NUP210L: variants seen among roughly 807,000 people sequenced by gnomAD.
The protein encoded by NUP210L is nucleoporin 210 like.
A neutral mutation model predicts 208.5 loss-of-function variants in NUP210L; 74 were observed. That is an observed-to-expected ratio of 0.35 (90% CI 0.29 to 0.43). NUP210L has a LOEUF of 0.43. Ranked by LOEUF, NUP210L falls within the 20% of genes least tolerant of loss-of-function variation. The probability of loss-of-function intolerance (pLI) is 1.00; values close to 1 mark genes in which losing one functional copy is unlikely to be tolerated. For missense variants in NUP210L, 1,843 were observed against 2,289.4 expected (o/e 0.81, Z 3.98); for synonymous variants, 780 against 816.9 (o/e 0.95, Z 0.77).
chr1:154,012,430 G>C (rs1650979899), intron 33 of NUP210L, 60 bp from the exon 34 acceptor site: 1 of 1,535,544 alleles, frequency 6.5e-7, no homozygotes, highest in African/African-American at 1.4e-5. Flanking sequence ...ACTCCTTCCA[G>C]ATCCACCCCT....
chr1:154,106,264 A>AAAAT (rs562234400), intron 12 of NUP210L, among the ~76,000 whole-genome samples: 60 of 152,060 alleles, frequency 3.9e-4, no homozygotes, highest in Non-Finnish European at 4.4e-4. Context: ...CCATTCCAGA[A>AAAAT]AAATAAATAA....
intron 17 of NUP210L, among the ~76,000 whole-genome samples, chr1:154,064,403 A>G (rs1654291579): frequency 6.6e-6 from 1 of 152,032 alleles, no homozygotes; most frequent in Admixed American, 6.6e-5. Context: ...TTAGAACCTC[A>G]TCTATGCCTC....
chr1:154,063,609 T>C (rs546319602), intron 17 of NUP210L, among the ~76,000 whole-genome samples: 9 of 152,300 alleles, frequency 5.9e-5, no homozygotes, highest in African/African-American at 1.9e-4. Flanking sequence ...ACCTTTGTAA[T>C]CTTAGGTCCT....
In NUP210L at chr1:154,015,719, C is replaced by CAA. The variant is rs1444341035; in HGVS notation, c.4653+3212_4653+3213dup. ...TGGGCAACAGAGTGAGACTCTGTCTCAAAACACACACACACACACACACAC... is the reference window on the plus strand; with the variant it reads ...TGGGCAACAGAGTGAGACTCTGTCTCAAAAAACACACACACACACACACACAC... On this transcript the variant is annotated intron_variant, in intron 33 of 39. Coordinates refer to ENST00000368559, the Ensembl canonical transcript of NUP210L. Among the ~76,000 whole-genome samples the CAA allele has an allele frequency of 8.0e-4, 105 of 131,808 alleles. 1 individual carries two copies. Among genetic ancestry groups the CAA allele is most frequent in the African/African-American group, 2.5e-3 (98 of 38,884 alleles). The allele number at this position is 131,808 out of a possible 152,430, so 86.5% of individuals were successfully genotyped here.
intron 10 of NUP210L, among the ~76,000 whole-genome samples, chr1:154,125,619 CTGAAAGGAAGGAAGGAAGGAAGGA>C (rs1657857958): frequency 2.9e-5 from 2 of 68,274 alleles, no homozygotes; most frequent in Non-Finnish European, 5.7e-5. Context: ...GAGGCCCTCT[CTGAAAGGAAGGAAGGAAGGAAGGA>C]AGGAAGGAAG....
chr1:154,130,813 G>A (rs1658210155), intron 7 of NUP210L, among the ~76,000 whole-genome samples: 1 of 151,688 alleles, frequency 6.6e-6, no homozygotes, highest in Non-Finnish European at 1.5e-5. Context: ...TTAAACTCCT[G>A]GACTCAAGCA....
chr1:154,105,041 G>A (rs961965245), intron 12 of NUP210L, among the ~76,000 whole-genome samples: 2 of 152,166 alleles, frequency 1.3e-5, no homozygotes, highest in African/African-American at 4.8e-5. Context: ...TAATAGCTCA[G>A]CCACAATAGA....
At chr1:154,043,974 A>G (rs1653035208) in intron 27 of NUP210L, among the ~76,000 whole-genome samples, 3 of 152,162 alleles carry the variant, frequency 2.0e-5, no homozygotes, top group African/African-American at 7.2e-5. Flanking sequence ...AAAAGAAAAA[A>G]TCTGTGTGGC....
intron 17 of NUP210L, among the ~76,000 whole-genome samples, chr1:154,066,483 C>T (rs934262386): frequency 3.9e-5 from 6 of 152,014 alleles, no homozygotes; most frequent in South Asian, 2.1e-4. Flanking sequence ...CGGTGGCGGG[C>T]GCCTGTAGTC....
At chr1:154,023,031 T>G in intron 31 of NUP210L, 91 bp downstream of exon 31, 1 of 1,293,238 alleles carries the variant, frequency 7.7e-7, no homozygotes, top group Non-Finnish European at 1.1e-6. Flanking sequence ...ATTCAGAATG[T>G]GAGAGGAATT....
intron 2 of NUP210L, among the ~76,000 whole-genome samples, chr1:154,144,454 C>T (rs1659021860): frequency 6.6e-6 from 1 of 152,066 alleles, no homozygotes; most frequent in Non-Finnish European, 1.5e-5. Context: ...GATTAAAAAG[C>T]CTGGGAACCA....
chr1:154,089,401 G>C lies in NUP210L; in HGVS notation c.2361+20C>G, dbSNP rs1431688076. 1.2e-6 allele frequency: 2 copies of C among 1,604,016 alleles called. No individual in the cohort carries two copies. The highest frequency in any genetic ancestry group is 1.7e-6 in the Non-Finnish European group (2 of 1,172,424). Reference sequence around the variant, plus strand: ...GAATATAAAAGTGCCAACTTAGTTGGAAACATACTCTGTACTTACCAGCCA... The same window carrying C: ...GAATATAAAAGTGCCAACTTAGTTGCAAACATACTCTGTACTTACCAGCCA... On this transcript the variant is annotated intron_variant, in intron 16 of 39. Coordinates refer to ENST00000368559, the Ensembl canonical transcript of NUP210L.
chr1:153,999,454 T>C (rs927813420), intron 37 of NUP210L, among the ~76,000 whole-genome samples: 5 of 152,152 alleles, frequency 3.3e-5, no homozygotes, highest in African/African-American at 7.2e-5. Context: ...ATCAATAAGA[T>C]TGGCCGGGTG....
intron 16 of NUP210L, among the ~76,000 whole-genome samples, chr1:154,082,273 T>G (rs1655377178): frequency 6.6e-6 from 1 of 152,176 alleles, no homozygotes; most frequent in Non-Finnish European, 1.5e-5. Flanking sequence ...GGCAGTCTTG[T>G]TGGGAACTGT....
intron 2 of NUP210L, among the ~76,000 whole-genome samples, chr1:154,147,965 CTT>C (rs1439001937): frequency 7.2e-6 from 1 of 138,948 alleles, no homozygotes; most frequent in African/African-American, 2.6e-5. Context: ...ACCCAACACT[CTT>C]TAAGTGTCAA....
intron 16 of NUP210L, among the ~76,000 whole-genome samples, chr1:154,080,557 A>C (rs1655267682): frequency 6.6e-6 from 1 of 151,096 alleles, no homozygotes; most frequent in Non-Finnish European, 1.5e-5. Flanking sequence ...GGTGGCGTGC[A>C]CCTGTAGTCC....
chr1:154,050,837 G>T (rs1445273755), intron 25 of NUP210L, among the ~76,000 whole-genome samples: 1 of 152,112 alleles, frequency 6.6e-6, no homozygotes, highest in African/African-American at 2.4e-5. Flanking sequence ...TCACAGTTGG[G>T]TCTAATAATG....
chr1:154,029,302 T>C (rs1008273897), intron 28 of NUP210L, among the ~76,000 whole-genome samples: 1 of 132,090 alleles, frequency 7.6e-6, no homozygotes, highest in Non-Finnish European at 1.5e-5. Flanking sequence ...GGTGTGAACC[T>C]GGGAGGAGGA....
chr1:154,108,378 G>A (rs992650549), intron 12 of NUP210L, among the ~76,000 whole-genome samples: 3 of 152,020 alleles, frequency 2.0e-5, no homozygotes, highest in Admixed American at 6.6e-5. Flanking sequence ...GGATGGTCTC[G>A]AACTCCTGAT....
Sources: gnomAD v4.1 joint callset for allele counts (sites outside exome capture counted in the v4.1 genomes callset) on GRCh38, gnomAD v4.1.1 for gene constraint, MANE v1.5 for transcripts, NCBI Gene and HGNC (gene_info 2026-07-23, HGNC 2026-07-21) for gene names.